The following INO80 variants were observed in gnomAD, a reference collection of about 807,000 sequenced individuals.
INO80 encodes INO80 complex ATPase subunit.
A neutral mutation model predicts 203.4 loss-of-function variants in INO80; 20 were observed. The ratio of observed to expected loss-of-function variants is 0.10; its 90% CI spans 0.07 to 0.14. The LOEUF (loss-of-function observed/expected upper bound fraction) is 0.14, where lower values mean the gene tolerates loss of function less well. INO80 is among the 10% of genes least tolerant of loss of function. INO80 has a pLI of 1.00. For synonymous variants in INO80, 726 were observed against 685.2 expected (o/e 1.06, Z -0.93); for missense variants, 1,419 against 1,914.4 (o/e 0.74, Z 4.83).
Position 41,027,628 on chromosome 15 carries a change from G to A in INO80, c.3016C>T (p.Leu1006=). The change falls in exon 25 of 36, where the codon CTG becomes TTG. Residue 1006 remains leucine (L), a synonymous_variant. Coordinates refer to ENST00000648947, the MANE Select transcript of INO80 (RefSeq NM_017553.3). ...SSLRRCLLTE[L]PSFLCVASPR... ...CTGGCCACACACAAAAAAGATGGCAGCTCAGTGAGCAGGCAGCGACGCAGC... is the reference window on the plus strand; with the variant it reads ...CTGGCCACACACAAAAAAGATGGCAACTCAGTGAGCAGGCAGCGACGCAGC... The A allele has an allele frequency of 1.9e-6, 3 of 1,613,618 alleles. No individual in the cohort carries two copies. The highest frequency in any genetic ancestry group is 2.5e-6 in the Non-Finnish European group (3 of 1,179,764).
intron 20 of INO80, 102 bp from the exon 21 acceptor site, chr15:41,049,522 CT>C: frequency 9.2e-7 from 1 of 1,081,194 alleles, no homozygotes; most frequent in Non-Finnish European, 1.4e-6. Flanking sequence ...GGAATGGATA[CT>C]TTCCCATTTT....
At position 41,103,873 on chromosome 15, in the gene INO80, CTT is replaced by C. The variant is rs1212565004; in HGVS notation, c.-43-7522_-43-7521del. Reference sequence around the variant, plus strand: ...AATTAAGAGTTCCTTTAAAATGTCTCTTAACTTCCTATCAGACCTGTCTCACT... The same window carrying C: ...AATTAAGAGTTCCTTTAAAATGTCTCAACTTCCTATCAGACCTGTCTCACT... On this transcript the variant is annotated intron_variant, in intron 1 of 35. Coordinates refer to ENST00000648947, the MANE Select transcript of INO80 (RefSeq NM_017553.3). 1.2e-4 allele frequency among the ~76,000 whole-genome samples: 18 copies of C among 152,186 alleles called. 1 individual carries two copies. The East Asian group carries it at 3.5e-3, about 29-fold the overall frequency.
intron 24 of INO80, among the ~76,000 whole-genome samples, chr15:41,038,344 T>C (rs2044614850): frequency 6.6e-6 from 1 of 152,032 alleles, no homozygotes; most frequent in African/African-American, 2.4e-5. Context: ...GCAAGACTCT[T>C]TTCTCTTAAA....
At chr15:41,087,016 C>A (rs1484115898) in intron 6 of INO80, among the ~76,000 whole-genome samples, 1 of 152,024 alleles carries the variant, frequency 6.6e-6, no homozygotes, top group African/African-American at 2.4e-5. Flanking sequence ...ATCTGTCTTT[C>A]CAATTCTAGA....
At chr15:41,067,076 A>C (rs371563011) in intron 14 of INO80, among the ~76,000 whole-genome samples, 1 of 151,772 alleles carries the variant, frequency 6.6e-6, no homozygotes, top group East Asian at 1.9e-4. Context: ...AAGACCTTTT[A>C]TTTTTCTTTT....
At chr15:41,038,081 C>T (rs1228154567) in intron 24 of INO80, among the ~76,000 whole-genome samples, 5 of 119,388 alleles carry the variant, frequency 4.2e-5, no homozygotes, top group Non-Finnish European at 8.1e-5. Flanking sequence ...GTGGCATGAT[C>T]TCAGCTCACT....
At chr15:41,004,615 C>T (rs577575969) in intron 28 of INO80, 14 of 152,214 alleles carry the variant, frequency 9.2e-5, no homozygotes, top group Admixed American at 6.5e-4. Context: ...AAGCAGTAAC[C>T]AGACTCTACC....
intron 28 of INO80, among the ~76,000 whole-genome samples, chr15:40,997,920 C>T (rs1423454691): frequency 5.9e-5 from 9 of 151,596 alleles, no homozygotes; most frequent in African/African-American, 9.7e-5. Context: ...CTCTCACTGT[C>T]ATATTTTTAA....
In INO80 at chr15:41,059,879, C is replaced by T. The variant is rs756954516; in HGVS notation, c.1830G>A (p.Arg610=). 119 of 1,611,034 alleles carry T rather than the reference C, an allele frequency of 7.4e-5. No homozygotes were observed. The highest frequency in any genetic ancestry group is 8.6e-5 in the Non-Finnish European group (101 of 1,177,746). ...GNPHDRKVIR[R]FWSQKTLYTQ... ...AGTAGAATGTTACCTGACTCCAGAA[C>T]CTTCTGATGACTTTTCTATCATGAG... Residue 610 remains arginine (R), a synonymous_variant, in exon 15 of 36, where the codon AGG becomes AGA. Coordinates refer to ENST00000648947, the MANE Select transcript of INO80 (RefSeq NM_017553.3).
At chr15:41,082,443 G>A (rs1479418408) in intron 7 of INO80, among the ~76,000 whole-genome samples, 2 of 151,992 alleles carry the variant, frequency 1.3e-5, no homozygotes, top group Non-Finnish European at 2.9e-5. Flanking sequence ...GCTCACGCCT[G>A]TAATCCCAGC....
At position 41,074,435 on chromosome 15, in the gene INO80, C is replaced by T; in HGVS notation, c.1262G>A (p.Ser421Asn). The change falls in exon 10 of 36, where the codon AGT (serine) becomes AAT (asparagine). Residue 421 changes from serine (S) to asparagine (N), a missense_variant. This residue lies in a region of INO80 where 116 missense variants were observed against 119.5 expected (regional missense o/e 0.97). Transcript: ENST00000648947. ...QEEILRKLEDSSTQRQIDIGG... is the reference protein window; with the variant it reads ...QEEILRKLEDNSTQRQIDIGG... ...TATATCGATTTGTCTCTGGGTAGAA[C>T]TGTCTTCCAGTTTCCTTAGGATTTC... 6.2e-7 allele frequency: 1 copy of T among 1,614,066 alleles called. No homozygotes were observed. Among genetic ancestry groups the T allele is most frequent in the South Asian group, 1.1e-5 (1 of 91,086 alleles).
rs143938270 is a variant in INO80 at position 41,012,439 on chromosome 15, G to A, written c.3402+3649C>T. ...AAATTAGCCAGGCGTGGTGATGCGC[G>A]CCTGAAATCCCAGCTGCTCTGGAGG... On this transcript the variant is annotated intron_variant, in intron 27 of 35. Coordinates refer to ENST00000648947, the MANE Select transcript of INO80 (RefSeq NM_017553.3). 1.1e-4 allele frequency among the ~76,000 whole-genome samples: 16 copies of A among 151,620 alleles called. No individual in the cohort carries two copies. The East Asian group carries it at 1.6e-3, about 15-fold the overall frequency.
intron 1 of INO80, among the ~76,000 whole-genome samples, chr15:41,108,027 G>T (rs2045906218): frequency 6.6e-6 from 1 of 151,210 alleles, no homozygotes; most frequent in Admixed American, 6.6e-5. Context: ...TTGAACTCGG[G>T]AGGCAGAGGT....
In INO80 at chr15:41,085,561, T is replaced by C; in HGVS notation, c.681A>G (p.Lys227=). ...KLKAKLKKVK[K]KRRRDEELSS... is the part of the protein sequence containing the mutation. ...AAAGTTCTTCATCTCTTCGTCTTTTTTTCTTCACTTTTTTCAACTTAGCTG... is the reference window on the plus strand; with the variant it reads ...AAAGTTCTTCATCTCTTCGTCTTTTCTTCTTCACTTTTTTCAACTTAGCTG... Residue 227 remains lysine (K), a synonymous_variant, in exon 7 of 36, where the codon AAA becomes AAG. Coordinates refer to ENST00000648947, the MANE Select transcript of INO80 (RefSeq NM_017553.3). 6.2e-7 allele frequency: 1 copy of C among 1,614,010 alleles called. No individual in the cohort carries two copies. The highest frequency in any genetic ancestry group is 8.5e-7 in the Non-Finnish European group (1 of 1,179,966).
At chr15:40,996,945 G>A (rs963572251) in intron 29 of INO80, among the ~76,000 whole-genome samples, 19 of 152,170 alleles carry the variant, frequency 1.2e-4, no homozygotes, top group African/African-American at 4.6e-4. Flanking sequence ...CAGACACATA[G>A]TAGGCATTAG....
chr15:41,095,703 AG>A, intron 3 of INO80, 35 bp from the exon 4 acceptor site: 1 of 1,608,222 alleles, frequency 6.2e-7, no homozygotes. Context: ...AAAAAATTAA[AG>A]GATGACTGCC....
chr15:40,984,369 A>G lies in INO80; in HGVS notation c.3922-17T>C, dbSNP rs1893944377. The G allele has an allele frequency of 1.9e-6, 3 of 1,611,104 alleles. No individual in the cohort carries two copies. Among genetic ancestry groups the G allele is most frequent in the Non-Finnish European group, 2.5e-6 (3 of 1,177,454 alleles). ...TTTTTTCTTCTGGGAACACACGGAT[A>G]AATATGGAAAACGTGTGAGGATGCA... On this transcript the variant is annotated splice_polypyrimidine_tract_variant and intron_variant, in intron 32 of 35. Coordinates refer to ENST00000648947, the MANE Select transcript of INO80 (RefSeq NM_017553.3).
intron 24 of INO80, among the ~76,000 whole-genome samples, chr15:41,039,492 T>C (rs778366214): frequency 1.3e-4 from 20 of 152,224 alleles, no homozygotes; most frequent in African/African-American, 2.2e-4. Flanking sequence ...GGGATAATGA[T>C]TGTTAACACA....
At chr15:40,994,665 C>A (rs1167109724) in intron 29 of INO80, among the ~76,000 whole-genome samples, 1 of 151,836 alleles carries the variant, frequency 6.6e-6, no homozygotes, top group Non-Finnish European at 1.5e-5. Flanking sequence ...GCACCTGGCC[C>A]CATATTATCA....
Sources: allele counts gnomAD v4.1 joint callset (sites outside exome capture counted in the v4.1 genomes callset), GRCh38; gene constraint gnomAD v4.1.1; regional missense constraint gnomAD v4.1.1; transcripts MANE v1.5; gene names NCBI Gene and HGNC (gene_info 2026-07-23, HGNC 2026-07-21).